CDC123: variants seen among roughly 807,000 people sequenced by gnomAD.
CDC123 encodes the protein translation initiation factor eIF2 assembly protein.
CDC123 carries 37 observed loss-of-function variants against 54.4 expected under a neutral mutation model. The observed-to-expected ratio is 0.68, with a 90% CI of 0.52 to 0.89. The LOEUF (loss-of-function observed/expected upper bound fraction) is 0.89, where lower values mean the gene tolerates loss of function less well. Ranked by LOEUF, CDC123 falls within the 40% of genes least tolerant of loss-of-function variation. CDC123 has a pLI of 0.00. For synonymous variants in CDC123, 144 were observed against 136.8 expected (o/e 1.05, Z -0.37); for missense variants, 361 against 412.1 (o/e 0.88, Z 1.07).
At position 12,217,484 on chromosome 10, in the gene CDC123, C is replaced by G. The variant is rs754279412; in HGVS notation, c.440+17C>G. ...CACTCAGCCGTAAGTATCTCTTATT[C>G]TCTCATGTCAATAGTTTCAGTATTT... On this transcript the variant is annotated intron_variant, in intron 6 of 12. Transcript: ENST00000281141. The G allele has an allele frequency of 2.5e-6, 4 of 1,609,876 alleles. No homozygotes were observed. In the Admixed American group the frequency reaches 5.0e-5, roughly 20 times the overall value.
chr10:12,225,265 C>T (rs1835794990), intron 6 of CDC123, among the ~76,000 whole-genome samples: 1 of 152,104 alleles, frequency 6.6e-6, no homozygotes, highest in African/African-American at 2.4e-5. Context: ...CTTGGTGGCA[C>T]ACGCCTGTAA....
chr10:12,218,006 T>A (rs1835684201), intron 6 of CDC123, among the ~76,000 whole-genome samples: 1 of 152,008 alleles, frequency 6.6e-6, no homozygotes, highest in Non-Finnish European at 1.5e-5. Context: ...GGAGAATGGC[T>A]TGAACCCGGG....
At chr10:12,242,718 G>A (rs1380254567) in intron 10 of CDC123, among the ~76,000 whole-genome samples, 24 of 152,098 alleles carry the variant, frequency 1.6e-4, no homozygotes, top group Admixed American at 1.6e-3. Context: ...GAGGCAGGCA[G>A]GTCACCTGAG....
chr10:12,232,576 T>G (rs763190063), intron 7 of CDC123, among the ~76,000 whole-genome samples: 5 of 152,058 alleles, frequency 3.3e-5, no homozygotes, highest in Non-Finnish European at 5.9e-5. Flanking sequence ...GATCTTAGAG[T>G]GCTTGTAGGT....
At chr10:12,248,077 G>C (rs574231930) in intron 11 of CDC123, among the ~76,000 whole-genome samples, 4 of 151,968 alleles carry the variant, frequency 2.6e-5, no homozygotes, top group Non-Finnish European at 5.9e-5. Flanking sequence ...TTGAGAACCA[G>C]TGTTTATATT....
At chr10:12,218,458 C>G (rs1835691355) in intron 6 of CDC123, among the ~76,000 whole-genome samples, 1 of 151,944 alleles carries the variant, frequency 6.6e-6, no homozygotes, top group Admixed American at 6.6e-5. Flanking sequence ...CCAGGCTGGT[C>G]TCGAACTCCT....
intron 10 of CDC123, among the ~76,000 whole-genome samples, chr10:12,241,868 G>A (rs1436464841): frequency 2.0e-5 from 3 of 152,182 alleles, no homozygotes; most frequent in Non-Finnish European, 4.4e-5. Flanking sequence ...TGGAGTTTGT[G>A]TCTGAGTTCT....
intron 6 of CDC123, among the ~76,000 whole-genome samples, chr10:12,221,785 A>T (rs1351323640): frequency 1.3e-5 from 2 of 150,734 alleles, no homozygotes; most frequent in African/African-American, 4.9e-5. Flanking sequence ...TTATTTATTT[A>T]TTTATTTTTT....
chr10:12,241,686 G>C (rs746554055), intron 10 of CDC123, among the ~76,000 whole-genome samples: 18 of 152,132 alleles, frequency 1.2e-4, no homozygotes, highest in Non-Finnish European at 1.6e-4. Flanking sequence ...CAGTGAGCTT[G>C]TTCTTTTTGT....
chr10:12,241,549 C>T (rs1223428989), intron 10 of CDC123, among the ~76,000 whole-genome samples: 1 of 152,138 alleles, frequency 6.6e-6, no homozygotes, highest in Non-Finnish European at 1.5e-5. Context: ...TACTGTCCTT[C>T]AGATTGATGA....
At chr10:12,210,221 G>A (rs1031063002) in intron 3 of CDC123, 69 bp from the exon 4 acceptor site, 3 of 1,569,112 alleles carry the variant, frequency 1.9e-6, no homozygotes, top group Non-Finnish European at 2.6e-6. Flanking sequence ...TTTAGATGGA[G>A]CACTGCTTTT....
At chr10:12,246,467 CA>C (rs1349746549) in intron 11 of CDC123, 190 bp downstream of exon 11, 8 of 540,796 alleles carry the variant, frequency 1.5e-5, no homozygotes. Context: ...ACTTTATATA[CA>C]GAAGTCAGGA....
chr10:12,206,204 G>C (rs1208345858), intron 2 of CDC123, among the ~76,000 whole-genome samples: 1 of 152,154 alleles, frequency 6.6e-6, no homozygotes, highest in Non-Finnish European at 1.5e-5. Flanking sequence ...TGAATACCTT[G>C]ATAACAAGTA....
chr10:12,210,068 T>G (rs200212237), intron 3 of CDC123, 44 bp downstream of exon 3: 1 of 1,589,210 alleles, frequency 6.3e-7, no homozygotes, highest in East Asian at 2.2e-5. Context: ...CTGTTGTAAT[T>G]TAAATGATCT....
chr10:12,230,167 G>A (rs1323865879), intron 6 of CDC123, among the ~76,000 whole-genome samples: 2 of 151,578 alleles, frequency 1.3e-5, no homozygotes, highest in Non-Finnish European at 2.9e-5. Context: ...ATATTCATGC[G>A]GTACATAAGA....
chr10:12,214,175 T>C (rs1835636266), intron 4 of CDC123, among the ~76,000 whole-genome samples: 1 of 152,228 alleles, frequency 6.6e-6, no homozygotes, highest in African/African-American at 2.4e-5. Context: ...AAAGTAATCC[T>C]TAGATGTCAA....
intron 10 of CDC123, chr10:12,245,459 G>C (rs1349411342): frequency 6.6e-6 from 1 of 152,246 alleles, no homozygotes; most frequent in Non-Finnish European, 1.5e-5. Context: ...GTTTCACCAT[G>C]TTGCCCAGGC....
chr10:12,197,463 C>T (rs1835373951), intron 1 of CDC123, among the ~76,000 whole-genome samples: 1 of 141,532 alleles, frequency 7.1e-6, no homozygotes, highest in African/African-American at 2.6e-5. Flanking sequence ...TGCAAGCTTC[C>T]CTTCCCGAGT....
At chr10:12,230,338 G>A (rs112175456) in intron 6 of CDC123, among the ~76,000 whole-genome samples, 7,261 of 151,912 alleles carry the variant, frequency 0.048, 566 homozygotes, top group African/African-American at 0.17. Flanking sequence ...GATTTCAGGC[G>A]TCCACCACCA....
Sources: gnomAD v4.1 joint callset for allele counts (sites outside exome capture counted in the v4.1 genomes callset) on GRCh38, gnomAD v4.1.1 for gene constraint, MANE v1.5 for transcripts, NCBI Gene and HGNC (gene_info 2026-07-23, HGNC 2026-07-21) for gene names.